Variants in TIAM1 observed in about 807,000 individuals in gnomAD.
TIAM1 encodes the protein rho guanine nucleotide exchange factor TIAM1.
In TIAM1, 65 loss-of-function variants were observed where a neutral mutation model predicts 163.5. The observed-to-expected ratio is 0.40, with a 90% confidence interval of 0.33 to 0.49. TIAM1 has a LOEUF of 0.49. Ranked by LOEUF, TIAM1 falls within the 20% of genes least tolerant of loss-of-function variation. The pLI is 0.77. For missense variants in TIAM1, 1,789 were observed against 2,044.7 expected (o/e 0.87, Z 2.41); for synonymous variants, 833 against 810.1 (o/e 1.03, Z -0.48).
At chr21:31,262,240 T>A (rs534080825) in intron 4 of TIAM1, among the ~76,000 whole-genome samples, 1 of 152,314 alleles carries the variant, frequency 6.6e-6, no homozygotes, top group Non-Finnish European at 1.5e-5. Context: ...GGCACTGAGA[T>A]CCATGGAAGT....
chr21:31,380,064 A>T (rs899850716), intron 2 of TIAM1, among the ~76,000 whole-genome samples: 3 of 152,148 alleles, frequency 2.0e-5, no homozygotes, highest in Admixed American at 6.6e-5. Flanking sequence ...GGAGTTCAAG[A>T]TCAGCATGAC....
chr21:31,284,446 C>T (rs1276480270), intron 2 of TIAM1, among the ~76,000 whole-genome samples: 3 of 152,166 alleles, frequency 2.0e-5, no homozygotes, highest in Non-Finnish European at 4.4e-5. Context: ...CTAGGACACA[C>T]AGCAGGGGGG....
chr21:31,225,438 A>T (rs1393221205), intron 7 of TIAM1, among the ~76,000 whole-genome samples: 1 of 152,174 alleles, frequency 6.6e-6, no homozygotes, highest in Non-Finnish European at 1.5e-5. Context: ...AAACTTTCTA[A>T]TTACACAGAT....
chr21:31,378,892 T>C lies in TIAM1; in HGVS notation c.-368-39470A>G, dbSNP rs190130561. Among the ~76,000 whole-genome samples, 38 of 152,366 alleles carry C rather than the reference T, an allele frequency of 2.5e-4. No homozygotes were observed. The Middle Eastern group carries it at 0.01, about 41-fold the overall frequency. The stretch of plus-strand genomic sequence containing the variant: ...AGCATTTACATTGCATTAGGTATTA[T>C]AAGTAATCTAGAGATTGCTTATAAT... On this transcript the variant is annotated intron_variant, in intron 2 of 28. Coordinates refer to the TIAM1 transcript ENST00000286827.
chr21:31,434,718 C>T (rs1283188780), intron 2 of TIAM1, among the ~76,000 whole-genome samples: 2 of 152,160 alleles, frequency 1.3e-5, no homozygotes, highest in East Asian at 1.9e-4. Flanking sequence ...GAGTCCCAAA[C>T]GCGATAGCTC....
At chr21:31,436,537 G>C (rs1485828807) in intron 2 of TIAM1, among the ~76,000 whole-genome samples, 2 of 152,046 alleles carry the variant, frequency 1.3e-5, no homozygotes, top group Admixed American at 6.6e-5. Flanking sequence ...TGAGGCACAA[G>C]AATCACTTGA....
At chr21:31,479,023 A>T (rs1184082086) in intron 1 of TIAM1, among the ~76,000 whole-genome samples, 4 of 152,198 alleles carry the variant, frequency 2.6e-5, no homozygotes, top group Non-Finnish European at 4.4e-5. Flanking sequence ...GGACATTTTT[A>T]ACTACCTGTG....
chr21:31,415,699 T>C (rs528313906), intron 2 of TIAM1, among the ~76,000 whole-genome samples: 1 of 152,206 alleles, frequency 6.6e-6, no homozygotes, highest in Non-Finnish European at 1.5e-5. Context: ...ACCCTTTTCT[T>C]CACATTGCTT....
intron 1 of TIAM1, among the ~76,000 whole-genome samples, chr21:31,467,315 G>C (rs927583065): frequency 6.6e-6 from 1 of 151,730 alleles, no homozygotes; most frequent in Admixed American, 6.6e-5. Flanking sequence ...CTGAGTGGCA[G>C]AGTGAGAGTC....
At chr21:31,175,389 A>G (rs1027555343) in intron 15 of TIAM1, among the ~76,000 whole-genome samples, 1 of 152,214 alleles carries the variant, frequency 6.6e-6, no homozygotes, top group Admixed American at 6.5e-5. Flanking sequence ...CGTGAACCCA[A>G]AGAGAGAGAG....
intron 5 of TIAM1, among the ~76,000 whole-genome samples, chr21:31,247,744 C>T (rs1235524818): frequency 1.3e-5 from 2 of 152,164 alleles, no homozygotes; most frequent in Admixed American, 1.3e-4. Context: ...AATTTAAATA[C>T]ATACCTGTAG....
intron 12 of TIAM1, among the ~76,000 whole-genome samples, 191 bp downstream of exon 12, chr21:31,202,717 T>C (rs1010560139): frequency 6.6e-6 from 1 of 152,250 alleles, no homozygotes; most frequent in Non-Finnish European, 1.5e-5. Context: ...GCTTCGTGCG[T>C]AAACAAAGGT....
At chr21:31,534,141 C>T (rs765560964) in intron 1 of TIAM1, among the ~76,000 whole-genome samples, 7 of 152,178 alleles carry the variant, frequency 4.6e-5, no homozygotes, top group Admixed American at 1.3e-4. Flanking sequence ...GAAGAGAAAG[C>T]GAGTACCTCC....
intron 2 of TIAM1, among the ~76,000 whole-genome samples, chr21:31,386,895 C>T (rs12482796): frequency 0.053 from 8,139 of 152,276 alleles, 474 homozygotes; most frequent in East Asian, 0.29. Context: ...TATTTGCCTG[C>T]GGAAGGTCCT....
chr21:31,469,846 C>A (rs1009562269), intron 1 of TIAM1, among the ~76,000 whole-genome samples: 23 of 150,350 alleles, frequency 1.5e-4, no homozygotes, highest in Middle Eastern at 3.4e-3. Context: ...AACAAACAAA[C>A]AAAAAAAAAA....
chr21:31,215,912 G>C (rs528570564), intron 9 of TIAM1, among the ~76,000 whole-genome samples: 1 of 152,290 alleles, frequency 6.6e-6, no homozygotes, highest in South Asian at 2.1e-4. Context: ...TATAATCCCA[G>C]CACTTTGGGA....
Position 31,309,760 on chromosome 21 carries a change from T to C in TIAM1, c.-189+29483A>G, listed in dbSNP as rs560697154. Among the ~76,000 whole-genome samples the C allele has an allele frequency of 3.9e-5, 6 of 152,286 alleles. No individual in the cohort carries two copies. The South Asian group carries it at 8.3e-4, about 21-fold the overall frequency. On this transcript the variant is annotated intron_variant, in intron 2 of 27. Coordinates refer to ENST00000541036, the MANE Select transcript of TIAM1 (RefSeq NM_001353694.2). ...CAGCATAGATCCCTATAAGAAACTATATGAAAAACCCAAATCTGATTTCAA... is the reference window on the plus strand; with the variant it reads ...CAGCATAGATCCCTATAAGAAACTACATGAAAAACCCAAATCTGATTTCAA...
chr21:31,429,597 C>T (rs1411459008), intron 2 of TIAM1, among the ~76,000 whole-genome samples: 1 of 152,064 alleles, frequency 6.6e-6, no homozygotes, highest in Non-Finnish European at 1.5e-5. Context: ...TGAGTGGCAG[C>T]CATGGGGGAG....
rs1445345476 is a variant in TIAM1 at position 31,210,807 on chromosome 21, AAAGAAAG to A, written c.2218-599_2218-593del. Reference sequence around the variant, plus strand: ...GAAAGAAAGAAAGAAAGAAAGAAAGAAAGAAAGGTCACCATTCAGCTCAGCTTTATGG... The same window carrying A: ...GAAAGAAAGAAAGAAAGAAAGAAAGAGTCACCATTCAGCTCAGCTTTATGG... On this transcript the variant is annotated intron_variant, in intron 10 of 27. Coordinates refer to ENST00000541036, the MANE Select transcript of TIAM1 (RefSeq NM_001353694.2). Among the ~76,000 whole-genome samples the A allele has an allele frequency of 1.0e-3, 149 of 147,952 alleles. 1 individual carries two copies. The highest frequency in any genetic ancestry group is 3.5e-3 in the African/African-American group (142 of 40,096).
Sources: allele counts gnomAD v4.1 joint callset (sites outside exome capture counted in the v4.1 genomes callset), GRCh38; gene constraint gnomAD v4.1.1; transcripts MANE v1.5; gene names NCBI Gene and HGNC (gene_info 2026-07-23, HGNC 2026-07-21).